The following SLC30A9 variants were observed in gnomAD, a reference collection of about 807,000 sequenced individuals.
SLC30A9 encodes the protein solute carrier family 30 member 9.
Under a neutral mutation model 87.5 loss-of-function variants are expected in SLC30A9, and 58 were observed. That is an observed-to-expected ratio of 0.66 (90% CI 0.54 to 0.82). The LOEUF (loss-of-function observed/expected upper bound fraction) is 0.82, where lower values mean the gene tolerates loss of function less well. SLC30A9 is among the 40% of genes least tolerant of loss of function. SLC30A9 has a pLI of 0.00. For missense variants in SLC30A9, 557 were observed against 679.1 expected, an observed-to-expected ratio of 0.82 and a Z score of 2.00; for synonymous variants, 234 against 233.0, an observed-to-expected ratio of 1.00 and a Z score of -0.04.
chr4:42,009,884 A>G (rs1335968631), intron 2 of SLC30A9, among the ~76,000 whole-genome samples: 1 of 152,200 alleles, frequency 6.6e-6, no homozygotes, highest in Admixed American at 6.5e-5. Flanking sequence ...TTGAAAATGT[A>G]TTATTCCACC....
chr4:42,038,063 C>T (rs533739634), intron 7 of SLC30A9, among the ~76,000 whole-genome samples: 1 of 152,254 alleles, frequency 6.6e-6, no homozygotes, highest in Non-Finnish European at 1.5e-5. Context: ...TGAGCCACTG[C>T]GCCCGACCTG....
intron 6 of SLC30A9, among the ~76,000 whole-genome samples, chr4:42,028,295 AT>A (rs1716274461): frequency 6.6e-6 from 1 of 151,778 alleles, no homozygotes; most frequent in Admixed American, 6.6e-5. Context: ...TTTTTTTTGT[AT>A]TTTTAGTAGA....
At chr4:42,033,628 T>TGG (rs1426506581) in intron 6 of SLC30A9, among the ~76,000 whole-genome samples, 5 of 152,102 alleles carry the variant, frequency 3.3e-5, no homozygotes, top group Admixed American at 6.6e-5. Context: ...CAGGCTGGAG[T>TGG]GCAGTGGCAC....
chr4:42,086,229 C>A lies in SLC30A9; in HGVS notation c.*103C>A. On this transcript the variant is annotated 3_prime_UTR_variant, in exon 18 of 18. Coordinates refer to ENST00000264451, the MANE Select transcript of SLC30A9 (RefSeq NM_006345.4). ...CTACACTGAAAGACTCAGTGCCATG[C>A]AGAAGCCTTTTTTTTAAGATGAAGG... 1 of 604,330 alleles carries A rather than the reference C, an allele frequency of 1.7e-6. No homozygotes were observed. Among genetic ancestry groups the A allele is most frequent in the African/African-American group, 1.7e-5 (1 of 58,610 alleles). 37.4% of individuals were successfully genotyped at this position (604,330 alleles called of 1,614,324 possible).
chr4:42,051,099 C>A (rs1416103097), intron 9 of SLC30A9, among the ~76,000 whole-genome samples: 1 of 152,138 alleles, frequency 6.6e-6, no homozygotes, highest in Admixed American at 6.6e-5. Context: ...ACTGCTCACA[C>A]AAAGCTAGGT....
intron 6 of SLC30A9, among the ~76,000 whole-genome samples, chr4:42,033,742 A>AT (rs1291278864): frequency 1.3e-5 from 2 of 152,004 alleles, no homozygotes; most frequent in Non-Finnish European, 1.5e-5. Context: ...TGCCTGGCTA[A>AT]TTTTTTGTAT....
intron 10 of SLC30A9, 92 bp from the exon 11 acceptor site, chr4:42,062,894 T>C (rs1281830748): frequency 1.8e-5 from 18 of 1,010,176 alleles, no homozygotes; most frequent in South Asian, 1.4e-4. Context: ...CATCTTGATA[T>C]TGTTAGTCTT....
Position 42,071,579 on chromosome 4 carries a change from C to T in SLC30A9, c.1418+888C>T, listed in dbSNP as rs1295941574. On this transcript the variant is annotated intron_variant, in intron 15 of 17. Transcript: ENST00000264451. The stretch of plus-strand genomic sequence containing the variant: ...TTGGGAAGCTGAGGCAGGAGGATCA[C>T]TTGAGGCCACGAGTTTGAGGCTAGT... Among the ~76,000 whole-genome samples, 5 of 151,538 alleles carry T rather than the reference C, an allele frequency of 3.3e-5. No homozygotes were observed. In the East Asian group the frequency reaches 9.7e-4, roughly 29 times the overall value.
At chr4:42,027,027 A>C (rs1215318358) in intron 6 of SLC30A9, among the ~76,000 whole-genome samples, 2 of 152,124 alleles carry the variant, frequency 1.3e-5, no homozygotes, top group Admixed American at 1.3e-4. Flanking sequence ...AGCTTACAAC[A>C]ACCTATGTCC....
intron 1 of SLC30A9, among the ~76,000 whole-genome samples, chr4:41,996,613 C>A (rs1454783826): frequency 2.6e-5 from 4 of 152,128 alleles, no homozygotes; most frequent in Non-Finnish European, 4.4e-5. Flanking sequence ...TAGGGTGGCA[C>A]ACGCCTGCGG....
intron 2 of SLC30A9, among the ~76,000 whole-genome samples, chr4:42,014,555 CA>C (rs36063492): frequency 0.013 from 1,690 of 129,156 alleles, 28 homozygotes; most frequent in African/African-American, 0.052. Context: ...GACTCCGTCG[CA>C]AAAAAAAAAA....
At chr4:42,053,695 C>CAAAAAAAAAAAAAAAAAAAAAA (rs56190460) in intron 9 of SLC30A9, among the ~76,000 whole-genome samples, 2 of 55,922 alleles carry the variant, frequency 3.6e-5, no homozygotes, top group Non-Finnish European at 5.8e-5. Flanking sequence ...ACTCGGTCTC[C>CAAAAAAAAAAAAAAAAAAAAAA]AAAAAAAAAA....
At position 42,056,989 on chromosome 4, in the gene SLC30A9, C is replaced by A. The variant is rs562334080; in HGVS notation, c.841-3202C>A. Among the ~76,000 whole-genome samples the A allele has an allele frequency of 2.0e-5, 3 of 152,314 alleles. No homozygotes were observed. In the South Asian group the frequency reaches 6.2e-4, roughly 32 times the overall value. ...GTAAAGCTCCAAAATGATCTCCTTT[C>A]GCTCCATGTCTCACCTCCAGGTCAC... On this transcript the variant is annotated intron_variant, in intron 9 of 17. Coordinates refer to ENST00000264451, the MANE Select transcript of SLC30A9 (RefSeq NM_006345.4).
intron 9 of SLC30A9, among the ~76,000 whole-genome samples, chr4:42,049,752 A>C (rs542777950): frequency 1.3e-5 from 2 of 152,324 alleles, no homozygotes; most frequent in South Asian, 4.1e-4. Context: ...ATTCTCAATG[A>C]CTGTAATAGT....
intron 1 of SLC30A9, among the ~76,000 whole-genome samples, chr4:41,997,065 A>AAATAAATAAATAAATAAAT (rs1560532863): frequency 1.4e-5 from 1 of 70,140 alleles, no homozygotes; most frequent in East Asian, 1.1e-3. Context: ...AATAAATAAA[A>AAATAAATAAATAAATAAAT]ATGAAAAAGA....
rs1448656234 is a variant in SLC30A9, at chr4:42,001,702, T to C, written c.196T>C (p.Leu66=). The C allele has an allele frequency of 6.2e-7, 1 of 1,610,468 alleles. No individual in the cohort carries two copies. Among genetic ancestry groups the C allele is most frequent in the African/African-American group, 1.3e-5 (1 of 74,814 alleles). The change falls in exon 2 of 18, where the codon TTG becomes CTG. Residue 66 remains leucine (L), a synonymous_variant. Transcript: ENST00000264451. ...TATTGGTACCCTGAGTCAAGTAAAG[T>C]TGTACTCCACAAATGTTCAGAAAGA... ...PYIGTLSQVK[L]YSTNVQKEGQ...
intron 10 of SLC30A9, among the ~76,000 whole-genome samples, chr4:42,060,841 T>G (rs951179449): frequency 6.6e-6 from 1 of 152,158 alleles, no homozygotes; most frequent in African/African-American, 2.4e-5. Flanking sequence ...GTAATATAAT[T>G]TGATAAATCT....
intron 2 of SLC30A9, among the ~76,000 whole-genome samples, chr4:42,012,261 A>G (rs758589693): frequency 6.6e-6 from 1 of 152,196 alleles, no homozygotes; most frequent in Non-Finnish European, 1.5e-5. Context: ...TTGTTGTTCT[A>G]CTGAAGTAGA....
At chr4:42,004,528 GGCCT>G (rs1715114866) in intron 2 of SLC30A9, among the ~76,000 whole-genome samples, 1 of 151,434 alleles carries the variant, frequency 6.6e-6, no homozygotes, top group Non-Finnish European at 1.5e-5. Flanking sequence ...TTACCTTTCT[GGCCT>G]GCATTCTGTA....
Sources: allele counts gnomAD v4.1 joint callset (sites outside exome capture counted in the v4.1 genomes callset), GRCh38; gene constraint gnomAD v4.1.1; transcripts MANE v1.5; gene names NCBI Gene and HGNC (gene_info 2026-07-23, HGNC 2026-07-21).